The following PCDH9 variants were observed in gnomAD, a reference collection of about 807,000 sequenced individuals.
PCDH9 encodes protocadherin-9.
PCDH9 carries 24 observed loss-of-function variants against 70.6 expected under a neutral mutation model. That is an observed-to-expected ratio of 0.34 (90% CI 0.25 to 0.48). The LOEUF is 0.48. PCDH9 is among the 20% of genes least tolerant of loss of function. The pLI is 0.99. For missense variants in PCDH9, 1,281 were observed against 1,503.6 expected, an observed-to-expected ratio of 0.85 and a Z score of 2.45; for synonymous variants, 562 against 558.5, an observed-to-expected ratio of 1.01 and a Z score of -0.09.
intron 2 of PCDH9, among the ~76,000 whole-genome samples, chr13:67,161,072 A>G (rs968562947): frequency 6.6e-6 from 1 of 152,228 alleles, no homozygotes. Context: ...TCACACTTCC[A>G]CATAACAGTA....
chr13:66,901,326 G>C (rs906406614), intron 3 of PCDH9, among the ~76,000 whole-genome samples: 103 of 151,856 alleles, frequency 6.8e-4, no homozygotes, highest in African/African-American at 2.4e-3. Context: ...CTAGCACAGA[G>C]TATGAGGTAC....
intron 2 of PCDH9, among the ~76,000 whole-genome samples, chr13:66,916,902 A>G (rs1199931224): frequency 6.6e-6 from 1 of 151,722 alleles, no homozygotes; most frequent in Admixed American, 6.6e-5. Flanking sequence ...GCACACATAC[A>G]CCTAATAAAG....
intron 2 of PCDH9, among the ~76,000 whole-genome samples, chr13:67,116,971 C>T (rs1362583168): frequency 2.0e-5 from 3 of 152,026 alleles, no homozygotes; most frequent in Admixed American, 2.0e-4. Context: ...TTTATATAAT[C>T]AAACTTTTAC....
intron 4 of PCDH9, among the ~76,000 whole-genome samples, chr13:66,515,628 C>A (rs1959695383): frequency 6.6e-6 from 1 of 151,798 alleles, no homozygotes; most frequent in Non-Finnish European, 1.5e-5. Flanking sequence ...CTGCTAGGTC[C>A]ATGTAGTATG....
At chr13:66,649,099 T>C (rs988345767) in intron 3 of PCDH9, among the ~76,000 whole-genome samples, 1 of 152,124 alleles carries the variant, frequency 6.6e-6, no homozygotes, top group Admixed American at 6.5e-5. Flanking sequence ...CTAAGATTTG[T>C]TGGTCTTAAA....
chr13:67,144,788 A>G (rs1449554657), intron 2 of PCDH9, among the ~76,000 whole-genome samples: 1 of 152,192 alleles, frequency 6.6e-6, no homozygotes, highest in Admixed American at 6.5e-5. Context: ...CAAAGAGGAC[A>G]TACAAATGTT....
chr13:66,682,827 T>C (rs2078346675), intron 3 of PCDH9, among the ~76,000 whole-genome samples: 1 of 152,138 alleles, frequency 6.6e-6, no homozygotes, highest in South Asian at 2.1e-4. Flanking sequence ...AAGCTATTGG[T>C]GGCATTAGGA....
intron 3 of PCDH9, among the ~76,000 whole-genome samples, chr13:66,686,021 C>T (rs114336003): frequency 1.1e-3 from 164 of 152,112 alleles, no homozygotes; most frequent in African/African-American, 3.8e-3. Context: ...TGGTGGAATG[C>T]GCTAAGACTT....
chr13:66,857,072 A>C (rs1219658472), intron 3 of PCDH9, among the ~76,000 whole-genome samples: 3 of 152,104 alleles, frequency 2.0e-5, no homozygotes, highest in African/African-American at 7.2e-5. Context: ...GTATTATTTT[A>C]GTCCTTTTAA....
Position 66,617,572 on chromosome 13 carries a change from G to A in PCDH9, c.3340+13638C>T, listed in dbSNP as rs113655195. Among the ~76,000 whole-genome samples, 467 of 152,242 alleles carry A rather than the reference G, an allele frequency of 3.1e-3. 1 individual carries two copies. The highest frequency in any genetic ancestry group is 0.011 in the African/African-American group (444 of 41,534). On this transcript the variant is annotated intron_variant, in intron 4 of 4. Coordinates refer to ENST00000377865, the MANE Select transcript of PCDH9 (RefSeq NM_203487.3). Reference sequence around the variant, plus strand: ...CTGGTTGACTTAGGATTGGGCTCAGGTGAAGGGAACCCAGAAGCCCAACAT... The same window carrying A: ...CTGGTTGACTTAGGATTGGGCTCAGATGAAGGGAACCCAGAAGCCCAACAT...
chr13:67,109,939 C>T (rs376080475), intron 2 of PCDH9, among the ~76,000 whole-genome samples: 3 of 152,110 alleles, frequency 2.0e-5, no homozygotes, highest in African/African-American at 4.8e-5. Flanking sequence ...TTAACCATAA[C>T]GAGTGACCAC....
intron 4 of PCDH9, among the ~76,000 whole-genome samples, chr13:66,493,333 T>C (rs1959062959): frequency 6.6e-6 from 1 of 152,150 alleles, no homozygotes; most frequent in Non-Finnish European, 1.5e-5. Flanking sequence ...ACTTAAACTT[T>C]CAAAGCAACT....
At chr13:67,198,633 A>G (rs976494019) in intron 2 of PCDH9, among the ~76,000 whole-genome samples, 7 of 151,876 alleles carry the variant, frequency 4.6e-5, no homozygotes, top group African/African-American at 1.7e-4. Flanking sequence ...ATCTATAAAA[A>G]CTCATTAAAT....
chr13:66,904,768 C>G (rs1160691705), intron 2 of PCDH9, among the ~76,000 whole-genome samples: 1 of 151,642 alleles, frequency 6.6e-6, no homozygotes, highest in African/African-American at 2.4e-5. Flanking sequence ...ATTTCAAGAC[C>G]ATCATTTTAT....
chr13:66,993,037 C>T (rs1420156987), intron 2 of PCDH9, among the ~76,000 whole-genome samples: 1 of 151,920 alleles, frequency 6.6e-6, no homozygotes, highest in African/African-American at 2.4e-5. Flanking sequence ...TTTAAATTTC[C>T]CATGAAATGA....
chr13:66,534,851 G>T (rs953856527), intron 4 of PCDH9, among the ~76,000 whole-genome samples: 2 of 152,078 alleles, frequency 1.3e-5, no homozygotes, highest in African/African-American at 4.8e-5. Flanking sequence ...TAGAGATTCT[G>T]AAATTCATAA....
intron 2 of PCDH9, among the ~76,000 whole-genome samples, chr13:67,197,862 A>G (rs550367710): frequency 2.8e-4 from 42 of 152,012 alleles, no homozygotes; most frequent in African/African-American, 9.9e-4. Context: ...AAATGTATCA[A>G]TTAATATTGA....
intron 4 of PCDH9, among the ~76,000 whole-genome samples, chr13:66,421,684 A>G (rs1593952407): frequency 6.6e-6 from 1 of 152,178 alleles, no homozygotes; most frequent in Admixed American, 6.6e-5. Flanking sequence ...GAAAGGAAAA[A>G]CCGGTACCAG....
At chr13:67,101,730 C>T (rs1321597323) in intron 2 of PCDH9, among the ~76,000 whole-genome samples, 4 of 139,990 alleles carry the variant, frequency 2.9e-5, no homozygotes, top group African/African-American at 1.1e-4. Context: ...TGATTTTTAA[C>T]TCTAGGTTTG....
Sources: allele counts gnomAD v4.1 joint callset (sites outside exome capture counted in the v4.1 genomes callset), GRCh38; gene constraint gnomAD v4.1.1; transcripts MANE v1.5; gene names NCBI Gene and HGNC (gene_info 2026-07-23, HGNC 2026-07-21).